ARFGEF2: variants seen among roughly 807,000 people sequenced by gnomAD.
The protein encoded by ARFGEF2 is brefeldin A-inhibited guanine nucleotide-exchange protein 2.
In ARFGEF2, 74 loss-of-function variants were observed where a neutral mutation model predicts 219.9. That is an observed-to-expected ratio of 0.34 (90% CI 0.28 to 0.41). The LOEUF (loss-of-function observed/expected upper bound fraction) is 0.41. Ranked by LOEUF, ARFGEF2 falls within the 10% of genes least tolerant of loss-of-function variation. The pLI is 1.00. For missense variants in ARFGEF2, 1,743 were observed against 2,218.3 expected (o/e 0.79, Z 4.30); for synonymous variants, 733 against 799.2 (o/e 0.92, Z 1.40).
chr20:49,017,034 C>G (rs1261474168), intron 31 of ARFGEF2, among the ~76,000 whole-genome samples: 3 of 151,982 alleles, frequency 2.0e-5, no homozygotes, highest in African/African-American at 7.2e-5. Context: ...AAATGTTGAC[C>G]TTTCTTCTTT....
chr20:48,925,094 G>T (rs963180098), intron 1 of ARFGEF2, among the ~76,000 whole-genome samples: 1 of 152,138 alleles, frequency 6.6e-6, no homozygotes, highest in Non-Finnish European at 1.5e-5. Context: ...TGATTGAAAG[G>T]CTGTGTTGGA....
At chr20:49,014,903 A>C (rs754540778) in intron 30 of ARFGEF2, among the ~76,000 whole-genome samples, 1 of 152,238 alleles carries the variant, frequency 6.6e-6, no homozygotes, top group African/African-American at 2.4e-5. Flanking sequence ...AAACACTCAC[A>C]GTTGCGGTTT....
chr20:49,016,463 G>A (rs781463428), intron 31 of ARFGEF2, 48 bp downstream of exon 31: 1 of 1,597,464 alleles, frequency 6.3e-7, no homozygotes, highest in East Asian at 2.2e-5. Context: ...AGTCTTTAAT[G>A]AGAGGTTAGT....
At position 48,969,247 on chromosome 20, in the gene ARFGEF2, A is replaced by T. The variant is rs1263894229; in HGVS notation, c.1160A>T (p.Lys387Ile). 3 of 1,614,216 alleles carry T rather than the reference A, an allele frequency of 1.9e-6. No individual in the cohort carries two copies. The highest frequency in any genetic ancestry group is 2.2e-5 in the South Asian group (2 of 91,088). Residue 387 changes from lysine to isoleucine, a missense_variant, in exon 9 of 39, where the codon AAA (lysine) becomes ATA (isoleucine). Coordinates refer to ENST00000371917, the MANE Select transcript of ARFGEF2 (RefSeq NM_006420.3). ...VFRSLCKLSM[K>I]PLGEGPPDPK... Reference sequence around the variant, plus strand: ...CGCTCCCTGTGCAAGCTGTCCATGAAACCCCTTGGTGAAGGCCCTCCAGAC... The same window carrying T: ...CGCTCCCTGTGCAAGCTGTCCATGATACCCCTTGGTGAAGGCCCTCCAGAC...
rs763245062 is a variant in ARFGEF2, at chr20:48,989,647, G to A, written c.2777G>A (p.Arg926Gln). 1.7e-5 allele frequency: 27 copies of A among 1,614,124 alleles called. No homozygotes were observed. Among genetic ancestry groups the A allele is most frequent in the African/African-American group, 4.0e-5 (3 of 74,928 alleles). ...GCCTCCTTGTGTTTGGAAGGCATCC[G>A]ATGTGCAATCCGAATCGCCTGCATC... is the stretch of plus-strand genomic sequence containing the variant. The part of the protein sequence containing the change: ...EVASLCLEGI[R>Q]CAIRIACIFG... The change falls in exon 20 of 39, where the codon CGA becomes CAA. Residue 926 changes from arginine to glutamine, a missense_variant. Physicochemically the swap from Arg to Gln is conservative, Grantham distance 43. Around this residue, in one of 5 missense-constraint regions of ARFGEF2, gnomAD observed 666 missense variants for 955.4 expected, o/e 0.70. Coordinates refer to ENST00000371917, the MANE Select transcript of ARFGEF2 (RefSeq NM_006420.3).
chr20:48,977,975 C>A (rs529960833), intron 14 of ARFGEF2, among the ~76,000 whole-genome samples: 4 of 152,048 alleles, frequency 2.6e-5, no homozygotes, highest in Non-Finnish European at 2.9e-5. Flanking sequence ...GAAGCTCTTT[C>A]GTTTAATTAG....
chr20:48,945,813 G>A (rs915376075), intron 3 of ARFGEF2, among the ~76,000 whole-genome samples: 1 of 152,122 alleles, frequency 6.6e-6, no homozygotes, highest in Admixed American at 6.5e-5. Flanking sequence ...GCAGTGAGCC[G>A]TGATGGTGAC....
chr20:48,925,133 A>G (rs930067038), intron 1 of ARFGEF2, among the ~76,000 whole-genome samples: 1 of 152,212 alleles, frequency 6.6e-6, no homozygotes, highest in African/African-American at 2.4e-5. Context: ...CAATGAAGAC[A>G]GGGGTTGTCC....
Position 48,953,764 on chromosome 20 carries a change from C to G in ARFGEF2, c.812C>G (p.Pro271Arg). 6.2e-7 allele frequency: 1 copy of G among 1,614,024 alleles called. No individual in the cohort carries two copies. Among genetic ancestry groups the G allele is most frequent in the Non-Finnish European group, 8.5e-7 (1 of 1,179,962 alleles). Residue 271 changes from proline (P) to arginine (R), a missense_variant, in exon 6 of 39, where the codon CCC becomes CGC. By Grantham distance (103) the Pro-to-Arg change is moderately radical. Coordinates refer to ENST00000371917, the MANE Select transcript of ARFGEF2 (RefSeq NM_006420.3). ...GTAAGCACAGAAAATGGAGACGCAC[C>G]CAGAGAAAGAGGCTCATCACTGTCA... ...GKVSTENGDA[P>R]RERGSSLSGT...
At chr20:48,959,113 A>G (rs969152252) in intron 6 of ARFGEF2, among the ~76,000 whole-genome samples, 1 of 152,182 alleles carries the variant, frequency 6.6e-6, no homozygotes, top group East Asian at 1.9e-4. Flanking sequence ...TAAGCAATAC[A>G]TATGTACAGG....
chr20:48,923,762 A>G (rs1435237796), intron 1 of ARFGEF2, among the ~76,000 whole-genome samples: 1 of 152,220 alleles, frequency 6.6e-6, no homozygotes, highest in Non-Finnish European at 1.5e-5. Flanking sequence ...AAACTTCTTA[A>G]CATAAAATTT....
At chr20:49,020,332 GT>G (rs1277152533) in intron 34 of ARFGEF2, among the ~76,000 whole-genome samples, 1 of 152,208 alleles carries the variant, frequency 6.6e-6, no homozygotes, top group African/African-American at 2.4e-5. Context: ...AGGAATAAAA[GT>G]AGTCACCCTT....
intron 26 of ARFGEF2, among the ~76,000 whole-genome samples, chr20:49,007,371 C>T (rs886502840): frequency 3.4e-5 from 5 of 149,022 alleles, no homozygotes; most frequent in African/African-American, 1.2e-4. Context: ...CTTACTGCAA[C>T]CTTTGCCTCT....
chr20:48,948,827 C>T (rs1441978407), intron 3 of ARFGEF2, among the ~76,000 whole-genome samples: 1 of 152,250 alleles, frequency 6.6e-6, no homozygotes, highest in Non-Finnish European at 1.5e-5. Flanking sequence ...GTCTTCCCGC[C>T]GCTCATTGCG....
In ARFGEF2 at chr20:48,994,729, G is replaced by A. The variant is rs146720437; in HGVS notation, c.3121+131G>A. 8,982 of 1,329,044 alleles carry A rather than the reference G, an allele frequency of 6.8e-3. 45 individuals are homozygous for A. Among genetic ancestry groups the A allele is most frequent in the Non-Finnish European group, 7.6e-3 (7,333 of 960,842 alleles). 82.3% of individuals were successfully genotyped at this position (1,329,044 alleles called of 1,614,324 possible). A position where few individuals can be genotyped will look rare whatever the true frequency, so the allele number is the denominator to read the frequency against. On this transcript the variant is annotated intron_variant, in intron 22 of 38. Transcript: ENST00000371917. The stretch of plus-strand genomic sequence containing the variant: ...GTGCCATCTGACAGTGTTCATGAAT[G>A]CAAGTGGACGTGCTGCTTTGGCCTC...
intron 16 of ARFGEF2, among the ~76,000 whole-genome samples, chr20:48,987,368 A>C (rs1286696462): frequency 6.6e-6 from 1 of 152,256 alleles, no homozygotes; most frequent in African/African-American, 2.4e-5. Context: ...TATCGTATGA[A>C]GCTGTACATC....
intron 11 of ARFGEF2, 137 bp from the exon 12 acceptor site, chr20:48,973,008 C>A: frequency 2.2e-6 from 2 of 926,166 alleles, no homozygotes; most frequent in Non-Finnish European, 3.4e-6. Flanking sequence ...GTACTTCCAA[C>A]ATGTGTTTCC....
intron 16 of ARFGEF2, among the ~76,000 whole-genome samples, chr20:48,986,092 C>T (rs972124927): frequency 1.2e-4 from 19 of 152,040 alleles, no homozygotes; most frequent in African/African-American, 3.4e-4. Flanking sequence ...TTTTGATGGG[C>T]GGTTCGTGAT....
At chr20:48,950,521 G>A (rs906981661) in intron 3 of ARFGEF2, among the ~76,000 whole-genome samples, 2 of 151,848 alleles carry the variant, frequency 1.3e-5, no homozygotes, top group Admixed American at 1.3e-4. Flanking sequence ...CAAGCCAGGC[G>A]CGGTGGCTCA....
Sources: allele counts gnomAD v4.1 joint callset (sites outside exome capture counted in the v4.1 genomes callset), GRCh38; gene constraint gnomAD v4.1.1; regional missense constraint gnomAD v4.1.1; transcripts MANE v1.5; gene names NCBI Gene and HGNC (gene_info 2026-07-23, HGNC 2026-07-21).